Variants in RAI14 observed in about 807,000 individuals in gnomAD.
RAI14 encodes the protein ankycorbin.
In RAI14, 45 loss-of-function variants were observed where a neutral mutation model predicts 115.4. That is an observed-to-expected ratio of 0.39 (90% confidence interval 0.31 to 0.50). RAI14 has a LOEUF of 0.50. Among genes scored for constraint, RAI14 ranks in the 20% least tolerant of loss-of-function variants. RAI14 has a pLI of 0.85. For missense variants in RAI14, 939 were observed against 1,131.2 expected, an observed-to-expected ratio of 0.83 and a Z score of 2.44; for synonymous variants, 371 against 415.4, an observed-to-expected ratio of 0.89 and a Z score of 1.30.
intron 2 of RAI14, among the ~76,000 whole-genome samples, chr5:34,751,554 GCTT>G (rs1313393685): frequency 6.6e-6 from 1 of 152,112 alleles, no homozygotes; most frequent in Non-Finnish European, 1.5e-5. Context: ...TGTGTGTCTT[GCTT>G]CTTTCAACAG....
intron 1 of RAI14, among the ~76,000 whole-genome samples, chr5:34,682,367 C>T (rs1744453353): frequency 1.3e-5 from 2 of 151,826 alleles, no homozygotes; most frequent in South Asian, 2.1e-4. Context: ...AAAGAAAACC[C>T]CATATCCATT....
At chr5:34,697,315 A>G (rs1420444799) in intron 2 of RAI14, among the ~76,000 whole-genome samples, 1 of 151,902 alleles carries the variant, frequency 6.6e-6, no homozygotes, top group African/African-American at 2.4e-5. Flanking sequence ...ACATAACTGT[A>G]ATCCCAGCTA....
At chr5:34,768,338 G>A (rs188499870) in intron 3 of RAI14, among the ~76,000 whole-genome samples, 105 of 152,174 alleles carry the variant, frequency 6.9e-4, no homozygotes, top group Admixed American at 1.3e-3. Context: ...TTGGGCTCTC[G>A]CCCTGATAAT....
chr5:34,676,260 G>A (rs1470429241), intron 1 of RAI14, among the ~76,000 whole-genome samples: 1 of 152,160 alleles, frequency 6.6e-6, no homozygotes, highest in Non-Finnish European at 1.5e-5. Flanking sequence ...GGTCACTTGG[G>A]GTCAGTTGCT....
chr5:34,742,808 C>T (rs780147062), intron 2 of RAI14, among the ~76,000 whole-genome samples: 2 of 152,044 alleles, frequency 1.3e-5, no homozygotes, highest in Non-Finnish European at 2.9e-5. Flanking sequence ...GGATTACAGG[C>T]GCCTGCCACC....
chr5:34,714,056 C>T (rs965638319), intron 2 of RAI14, among the ~76,000 whole-genome samples: 2 of 151,536 alleles, frequency 1.3e-5, no homozygotes, highest in Non-Finnish European at 2.9e-5. Context: ...CCCGCCTCGG[C>T]CTCCCAAAGT....
chr5:34,816,661 G>T (rs928833107), intron 12 of RAI14, among the ~76,000 whole-genome samples: 5 of 152,110 alleles, frequency 3.3e-5, no homozygotes, highest in African/African-American at 7.2e-5. Flanking sequence ...AATTATTAAA[G>T]ATGTTTTTTT....
intron 12 of RAI14, among the ~76,000 whole-genome samples, chr5:34,817,747 T>C (rs1162168461): frequency 2.0e-5 from 3 of 152,182 alleles, no homozygotes; most frequent in African/African-American, 7.2e-5. Flanking sequence ...AAAATTCATA[T>C]GGGATGACAT....
Position 34,824,817 on chromosome 5 carries a change from G to A in RAI14, c.2649+326G>A, listed in dbSNP as rs575933533. 1.9e-4 allele frequency among the ~76,000 whole-genome samples: 29 copies of A among 152,068 alleles called. No homozygotes were observed. In the South Asian group the frequency reaches 4.4e-3, roughly 23 times the overall value. On this transcript the variant is annotated intron_variant, in intron 15 of 17. Transcript: ENST00000265109. Reference sequence around the variant, plus strand: ...AAATTAGCTGGGCGTGGTGGCACACGCCTGTAATCCCAGCTACAAGGGAGG... The same window carrying A: ...AAATTAGCTGGGCGTGGTGGCACACACCTGTAATCCCAGCTACAAGGGAGG...
intron 3 of RAI14, among the ~76,000 whole-genome samples, chr5:34,778,773 A>G (rs938285116): frequency 6.7e-6 from 1 of 149,268 alleles, no homozygotes; most frequent in Non-Finnish European, 1.5e-5. Context: ...AAAAAAAAAA[A>G]CTATCTTAAT....
chr5:34,700,220 G>A (rs759229895), intron 2 of RAI14, among the ~76,000 whole-genome samples: 6 of 152,198 alleles, frequency 3.9e-5, no homozygotes, highest in Non-Finnish European at 5.9e-5. Context: ...TCCCCTGGGT[G>A]GTGGTTTCTG....
chr5:34,707,743 G>A (rs1740881742), intron 2 of RAI14, among the ~76,000 whole-genome samples: 3 of 152,280 alleles, frequency 2.0e-5, no homozygotes, highest in African/African-American at 7.2e-5. Context: ...GACATTTCTT[G>A]TAATCTCTAC....
chr5:34,676,958 G>A (rs933337136), intron 1 of RAI14, among the ~76,000 whole-genome samples: 28 of 152,184 alleles, frequency 1.8e-4, no homozygotes, highest in African/African-American at 6.8e-4. Context: ...TATCTGGGCA[G>A]TCTTTTAACA....
At chr5:34,698,640 G>C (rs1186702747) in intron 2 of RAI14, among the ~76,000 whole-genome samples, 1 of 152,098 alleles carries the variant, frequency 6.6e-6, no homozygotes, top group African/African-American at 2.4e-5. Flanking sequence ...GAGTAGAGGT[G>C]GGGTGAAGAG....
intron 3 of RAI14, among the ~76,000 whole-genome samples, chr5:34,795,639 A>AAC (rs1225380819): frequency 6.6e-6 from 1 of 152,224 alleles, no homozygotes; most frequent in African/African-American, 2.4e-5. Flanking sequence ...TTGTTTCATC[A>AAC]AGAGACAAAT....
intron 1 of RAI14, among the ~76,000 whole-genome samples, chr5:34,658,418 T>C (rs1156564401): frequency 6.6e-6 from 1 of 152,128 alleles, no homozygotes; most frequent in African/African-American, 2.4e-5. Flanking sequence ...TTGGAATTAA[T>C]AGAATGCAGT....
At chr5:34,668,287 G>A (rs774061106) in intron 1 of RAI14, among the ~76,000 whole-genome samples, 11 of 151,942 alleles carry the variant, frequency 7.2e-5, no homozygotes, top group Non-Finnish European at 1.2e-4. Context: ...CCAGATTCTC[G>A]AGAGGCTGAG....
chr5:34,826,116 C>G (rs1461649451), intron 15 of RAI14: 1 of 357,990 alleles, frequency 2.8e-6, no homozygotes, highest in Non-Finnish European at 4.9e-6. Context: ...TTTATCTGAA[C>G]CTAATGGATG....
At chr5:34,740,290 A>G (rs1561296855) in intron 2 of RAI14, among the ~76,000 whole-genome samples, 1 of 152,196 alleles carries the variant, frequency 6.6e-6, no homozygotes, top group African/African-American at 2.4e-5. Flanking sequence ...ATTGCTGACA[A>G]ATGTCTTAGA....
Sources: gnomAD v4.1 joint callset for allele counts (sites outside exome capture counted in the v4.1 genomes callset) on GRCh38, gnomAD v4.1.1 for gene constraint, MANE v1.5 for transcripts, NCBI Gene and HGNC (gene_info 2026-07-23, HGNC 2026-07-21) for gene names.